The following ATP9A variants were observed in gnomAD, a reference collection of about 807,000 sequenced individuals.
The protein encoded by ATP9A is ATPase phospholipid transporting 9A.
In ATP9A, 52 loss-of-function variants were observed where a neutral mutation model predicts 144.1. The observed-to-expected ratio is 0.36, with a 90% confidence interval of 0.29 to 0.45. The LOEUF (loss-of-function observed/expected upper bound fraction) is 0.45. Ranked by LOEUF, ATP9A falls within the 20% of genes least tolerant of loss-of-function variation. The pLI, the probability that ATP9A is intolerant of heterozygous loss-of-function variation, is 1.00. For missense variants in ATP9A, 947 were observed against 1,392.7 expected (o/e 0.68, Z 5.09); for synonymous variants, 582 against 557.4 (o/e 1.04, Z -0.62).
chr20:51,652,301 T>C (rs1379580675), intron 14 of ATP9A, among the ~76,000 whole-genome samples: 1 of 152,184 alleles, frequency 6.6e-6, no homozygotes, highest in African/African-American at 2.4e-5. Context: ...ATAAAGACAC[T>C]TCAAGGTTCC....
Position 51,676,868 on chromosome 20 carries a change from G to A in ATP9A, c.800-660C>T, listed in dbSNP as rs576650773. On this transcript the variant is annotated intron_variant, in intron 9 of 27. Coordinates refer to ENST00000338821, the MANE Select transcript of ATP9A (RefSeq NM_006045.3). ...TGACTTCAACTGATCCATCTGCCTC[G>A]GCCTCCCAAAGTTCTGGGATTACAG... is the stretch of plus-strand genomic sequence containing the variant. Among the ~76,000 whole-genome samples the A allele has an allele frequency of 6.0e-5, 9 of 149,526 alleles. 1 individual carries two copies. Among genetic ancestry groups the A allele is most frequent in the East Asian group, 2.0e-4 (1 of 5,084 alleles).
In ATP9A at chr20:51,611,975, C is replaced by T. The variant is rs17200409; in HGVS notation, c.2571+1702G>A. 8.3e-4 allele frequency among the ~76,000 whole-genome samples: 126 copies of T among 152,338 alleles called. No homozygotes were observed. The East Asian group carries it at 0.017, about 21-fold the overall frequency. ...AAGCAGCACTACCTGATACATTGTA[C>T]AAGGCAGACCGCCTTTCAAGTATGA... is the stretch of plus-strand genomic sequence containing the variant. On this transcript the variant is annotated intron_variant, in intron 23 of 27. Transcript: ENST00000338821. The surrounding 1 kb of genome is among the most constrained non-coding windows in gnomAD (Gnocchi z 4.2).
intron 4 of ATP9A, among the ~76,000 whole-genome samples, chr20:51,711,722 G>A (rs1016775252): frequency 2.0e-5 from 3 of 151,912 alleles, no homozygotes; most frequent in Non-Finnish European, 4.4e-5. Flanking sequence ...GTTGTTTTGT[G>A]GCTTTTCCAC....
intron 5 of ATP9A, among the ~76,000 whole-genome samples, chr20:51,696,642 A>G (rs2077571922): frequency 6.6e-6 from 1 of 152,222 alleles, no homozygotes; most frequent in African/African-American, 2.4e-5. Flanking sequence ...AGTAGCCCCC[A>G]TTTAATTATG....
chr20:51,644,286 T>TC (rs1568800321), intron 14 of ATP9A, among the ~76,000 whole-genome samples: 2 of 147,290 alleles, frequency 1.4e-5, no homozygotes, highest in African/African-American at 5.0e-5. Context: ...TTTTTTTTTT[T>TC]TTTTGAGACG....
chr20:51,690,943 C>T (rs1194826428), intron 7 of ATP9A, 124 bp from the exon 8 acceptor site: 3 of 775,788 alleles, frequency 3.9e-6, no homozygotes, highest in Non-Finnish European at 6.6e-6. Context: ...CTCAAAATTA[C>T]AGGGGAGGTG....
At chr20:51,645,246 G>A (rs539302794) in intron 14 of ATP9A, among the ~76,000 whole-genome samples, 16 of 152,264 alleles carry the variant, frequency 1.1e-4, no homozygotes, top group African/African-American at 2.9e-4. Flanking sequence ...AGGATCTGGC[G>A]AGGTGGCTCA....
chr20:51,620,636 G>A (rs899212978), intron 19 of ATP9A, among the ~76,000 whole-genome samples: 1 of 152,012 alleles, frequency 6.6e-6, no homozygotes, highest in Non-Finnish European at 1.5e-5. Flanking sequence ...TATGGATGTT[G>A]GGAAGTTCAA....
intron 9 of ATP9A, among the ~76,000 whole-genome samples, chr20:51,684,704 A>G (rs1391064065): frequency 7.0e-6 from 1 of 142,646 alleles, no homozygotes; most frequent in African/African-American, 2.6e-5. Flanking sequence ...TCAAAAAAAA[A>G]AAAAAAAAAG....
chr20:51,620,891 T>C lies in ATP9A; in HGVS notation c.2115+1183A>G, dbSNP rs1037892663. 3.3e-5 allele frequency among the ~76,000 whole-genome samples: 5 copies of C among 152,052 alleles called. No individual in the cohort carries two copies. The East Asian group carries it at 7.7e-4, about 23-fold the overall frequency. On this transcript the variant is annotated intron_variant, in intron 19 of 27. Transcript: ENST00000338821. Reference sequence around the variant, plus strand: ...GGCCAGGCGCGGTGGCTCACGCCTGTAATCCCAGCACTTTGGGAGGCTGAA... The same window carrying C: ...GGCCAGGCGCGGTGGCTCACGCCTGCAATCCCAGCACTTTGGGAGGCTGAA...
chr20:51,673,329 G>A lies in ATP9A; in HGVS notation c.1037+824C>T, dbSNP rs558575882. Among the ~76,000 whole-genome samples, 51 of 152,124 alleles carry A rather than the reference G, an allele frequency of 3.4e-4. 1 individual carries two copies. In the South Asian group the frequency reaches 0.01, roughly 30 times the overall value. On this transcript the variant is annotated intron_variant, in intron 11 of 27. Coordinates refer to ENST00000338821, the MANE Select transcript of ATP9A (RefSeq NM_006045.3). ...GTGGAGGCTGCAGTGAGCTGAGATC[G>A]CACCACTGCACTCCAGCCTGGGCGA...
intron 18 of ATP9A, among the ~76,000 whole-genome samples, chr20:51,622,772 C>T (rs756608631): frequency 4.6e-5 from 7 of 152,160 alleles, no homozygotes; most frequent in Non-Finnish European, 7.4e-5. Flanking sequence ...GCCCAGAATC[C>T]GGGTCTTTAG....
intron 5 of ATP9A, 96 bp downstream of exon 5, chr20:51,697,328 C>A: frequency 7.8e-7 from 1 of 1,278,090 alleles, no homozygotes; most frequent in Non-Finnish European, 1.1e-6. Flanking sequence ...GGATAGAATC[C>A]CAAAATTCAA....
At chr20:51,614,492 G>C (rs1004966745) in intron 22 of ATP9A, among the ~76,000 whole-genome samples, 6 of 151,912 alleles carry the variant, frequency 3.9e-5, no homozygotes, top group African/African-American at 1.2e-4. Flanking sequence ...GTAGAGATGG[G>C]GTTTCTCCAT....
chr20:51,762,705 CTT>C lies in ATP9A; in HGVS notation c.68+5595_68+5596del, dbSNP rs34209501. Among the ~76,000 whole-genome samples, 95 of 84,490 alleles carry C rather than the reference CTT, an allele frequency of 1.1e-3. No homozygotes were observed. In the East Asian group the frequency reaches 0.016, roughly 14 times the overall value. 55.4% of individuals were successfully genotyped at this position (84,490 alleles called of 152,430 possible). A position where few individuals can be genotyped will look rare whatever the true frequency, so the allele number is the denominator to read the frequency against. On this transcript the variant is annotated intron_variant, in intron 1 of 27. Transcript: ENST00000338821. ...TTTAAGGTGATATATCCACAAATGG[CTT>C]TTTTTTTTTTTTTTTTTTTTGAGAC... is the stretch of plus-strand genomic sequence containing the variant.
At chr20:51,630,286 A>G (rs1331371953) in intron 15 of ATP9A, among the ~76,000 whole-genome samples, 1 of 152,220 alleles carries the variant, frequency 6.6e-6, no homozygotes, top group Non-Finnish European at 1.5e-5. Flanking sequence ...GGGAGGCAGT[A>G]AAGATAAGCA....
chr20:51,658,173 G>A (rs924838737), intron 13 of ATP9A, among the ~76,000 whole-genome samples: 4 of 152,182 alleles, frequency 2.6e-5, no homozygotes, highest in Non-Finnish European at 5.9e-5. Context: ...GTCAACGAGA[G>A]GAGTGGCCGG....
intron 17 of ATP9A, among the ~76,000 whole-genome samples, chr20:51,627,147 G>A (rs528654728): frequency 3.4e-5 from 5 of 148,102 alleles, no homozygotes; most frequent in Middle Eastern, 3.5e-3. Context: ...TTTTATTCCC[G>A]AAAGGAGATG....
intron 1 of ATP9A, among the ~76,000 whole-genome samples, chr20:51,762,191 C>T (rs190112917): frequency 1.1e-3 from 166 of 152,170 alleles, no homozygotes; most frequent in African/African-American, 3.8e-3. Context: ...ACGGTGAAGC[C>T]CCGTCTCTAC....
Sources: allele counts gnomAD v4.1 joint callset (sites outside exome capture counted in the v4.1 genomes callset), GRCh38; gene constraint gnomAD v4.1.1; non-coding constraint Gnocchi (gnomAD v3.1); transcripts MANE v1.5; gene names NCBI Gene and HGNC (gene_info 2026-07-23, HGNC 2026-07-21).